JHY: variants seen among roughly 807,000 people sequenced by gnomAD.
JHY encodes the protein junctional cadherin complex regulator.
In JHY, 69 loss-of-function variants were observed where a neutral mutation model predicts 78.0. The observed-to-expected ratio is 0.88, with a 90% CI of 0.73 to 1.08. JHY has a LOEUF of 1.08. JHY is among the 50% of genes least tolerant of loss of function. The pLI is 0.00. For synonymous variants in JHY, 368 were observed against 342.6 expected, an observed-to-expected ratio of 1.07 and a Z score of -0.82; for missense variants, 944 against 927.8, an observed-to-expected ratio of 1.02 and a Z score of -0.23.
chr11:122,963,455 C>A lies in JHY; in HGVS notation c.*4010C>A, dbSNP rs2135391674. Among the ~76,000 whole-genome samples the A allele has an allele frequency of 6.6e-6, 1 of 152,232 alleles. No individual in the cohort carries two copies. The highest frequency in any genetic ancestry group is 6.5e-5 in the Admixed American group (1 of 15,296). On this transcript the variant is annotated 3_prime_UTR_variant, in exon 9 of 9. Transcript: ENST00000227349. Reference sequence around the variant, plus strand: ...TTTGCAGAAAGTTTGGGGTTGAAATCAAAGAATGGATCAAAGTGGCCCTTC... The same window carrying A: ...TTTGCAGAAAGTTTGGGGTTGAAATAAAAGAATGGATCAAAGTGGCCCTTC...
intron 2 of JHY, among the ~76,000 whole-genome samples, chr11:122,901,307 C>T (rs1168763734): frequency 6.6e-6 from 1 of 152,160 alleles, no homozygotes; most frequent in East Asian, 1.9e-4. Context: ...AGTGCGTGAG[C>T]AGGAGTGAAT....
intron 5 of JHY, among the ~76,000 whole-genome samples, chr11:122,937,540 A>T (rs959762055): frequency 6.6e-6 from 1 of 151,636 alleles, no homozygotes; most frequent in South Asian, 2.1e-4. Flanking sequence ...CATTTTCCTT[A>T]TTTTGTTTGA....
At chr11:122,912,854 A>G (rs1397920176) in intron 3 of JHY, among the ~76,000 whole-genome samples, 1 of 152,124 alleles carries the variant, frequency 6.6e-6, no homozygotes, top group Non-Finnish European at 1.5e-5. Flanking sequence ...ATATATATAT[A>G]TTTCTGCTTC....
intron 4 of JHY, among the ~76,000 whole-genome samples, chr11:122,930,193 G>C (rs1863607028): frequency 6.6e-6 from 1 of 152,146 alleles, no homozygotes; most frequent in African/African-American, 2.4e-5. Flanking sequence ...CGATTCTCCT[G>C]CCTCAGCATC....
Position 122,885,968 on chromosome 11 carries a change from A to C in JHY, c.119A>C (p.Lys40Thr), listed in dbSNP as rs1256327413. The change falls in exon 2 of 9, where the codon AAA (lysine) becomes ACA (threonine). Residue 40 changes from lysine (K) to threonine (T), a missense_variant. Coordinates refer to ENST00000227349, the MANE Select transcript of JHY (RefSeq NM_024806.4). ...AAAGAAGACTTACATCGGATTTCAA[A>C]AGACTCCTTGGAATCTGATTCAGAA... is the stretch of plus-strand genomic sequence containing the variant. ...LKKEDLHRIS[K>T]DSLESDSESL... 2 of 1,614,044 alleles carry C rather than the reference A, an allele frequency of 1.2e-6. No individual in the cohort carries two copies. Among genetic ancestry groups the C allele is most frequent in the Non-Finnish European group, 1.7e-6 (2 of 1,180,044 alleles).
chr11:122,885,585 T>G (rs1309469742), intron 1 of JHY, among the ~76,000 whole-genome samples, 176 bp from the exon 2 acceptor site: 2 of 152,228 alleles, frequency 1.3e-5, no homozygotes, highest in African/African-American at 4.8e-5. Context: ...GATGTGTTTC[T>G]GCAGAGAGAA....
intron 4 of JHY, among the ~76,000 whole-genome samples, chr11:122,928,793 C>T (rs1461807607): frequency 7.2e-5 from 11 of 152,158 alleles, no homozygotes; most frequent in Middle Eastern, 3.4e-3. Context: ...GGACTATAGG[C>T]ACCCGCCACC....
rs531602218 is a variant in JHY at position 122,930,672 on chromosome 11, G to A, written c.979-3748G>A. On this transcript the variant is annotated intron_variant, in intron 4 of 8. Transcript: ENST00000227349. ...TTAACCTTGCTACATAGGCCTTAGC[G>A]TCCTGAATCGCTTCGCACTTGCCTG... Among the ~76,000 whole-genome samples, 11 of 152,210 alleles carry A rather than the reference G, an allele frequency of 7.2e-5. No homozygotes were observed. The South Asian group carries it at 8.3e-4, about 11-fold the overall frequency.
rs185569124 is a variant in JHY, at chr11:122,938,670, A to G, written c.1634+3595A>G. Reference sequence around the variant, plus strand: ...ACCTTAGGGCTTGTGTCAGATGTCTAGCAATTCTTGATCATCTTCTCATGA... The same window carrying G: ...ACCTTAGGGCTTGTGTCAGATGTCTGGCAATTCTTGATCATCTTCTCATGA... On this transcript the variant is annotated intron_variant, in intron 5 of 8. Coordinates refer to ENST00000227349, the MANE Select transcript of JHY (RefSeq NM_024806.4). 1.5e-3 allele frequency among the ~76,000 whole-genome samples: 231 copies of G among 152,236 alleles called. 1 individual carries two copies. Among genetic ancestry groups the G allele is most frequent in the African/African-American group, 5.3e-3 (221 of 41,536 alleles).
Position 122,886,089 on chromosome 11 carries a change from T to G in JHY, c.240T>G (p.Pro80=). 1 of 1,613,998 alleles carries G rather than the reference T, an allele frequency of 6.2e-7. No homozygotes were observed. The highest frequency in any genetic ancestry group is 1.1e-5 in the South Asian group (1 of 91,074). ...ACAGCTTAGACGAGGAGGAAAGCCC[T>G]CGATGGGGAAGCCTGCACGAGATGG... is the stretch of plus-strand genomic sequence containing the variant. ...EPDSLDEEES[P]RWGSLHEMEE... Residue 80 remains proline (P), a synonymous_variant, in exon 2 of 9, where the codon CCT becomes CCG. Coordinates refer to ENST00000227349, the MANE Select transcript of JHY (RefSeq NM_024806.4).
rs760512913 is a variant in JHY, at chr11:122,923,883, A to ATT, written c.865-988_865-987dup. Among the ~76,000 whole-genome samples, 114 of 100,514 alleles carry ATT rather than the reference A, an allele frequency of 1.1e-3. 2 individuals carry two copies. The highest frequency in any genetic ancestry group is 2.6e-3 in the African/African-American group (59 of 22,356). The allele number at this position is 100,514 out of a possible 152,430, so 65.9% of individuals were successfully genotyped here. A position where few individuals can be genotyped will look rare whatever the true frequency, so the allele number is the denominator to read the frequency against. On this transcript the variant is annotated intron_variant, in intron 3 of 8. Transcript: ENST00000227349. ...AGACCCCAGTCACCACGCCTGGCTAATTTTTTTTTTTTTTTTTTTTTTTTT... is the reference window on the plus strand; with the variant it reads ...AGACCCCAGTCACCACGCCTGGCTAATTTTTTTTTTTTTTTTTTTTTTTTTTT...
Position 122,960,943 on chromosome 11 carries a change from A to G in JHY, c.*1498A>G. ...CGCCTGGACTATCATATATCTGTGC[A>G]GAACATGATGCGTTGAAAGGAACAA... On this transcript the variant is annotated 3_prime_UTR_variant, in exon 9 of 9. Coordinates refer to ENST00000227349, the MANE Select transcript of JHY (RefSeq NM_024806.4). The G allele has an allele frequency of 1.4e-6, 1 of 724,488 alleles. No homozygotes were observed. 44.9% of individuals were successfully genotyped at this position (724,488 alleles called of 1,614,324 possible). A position where few individuals can be genotyped will look rare whatever the true frequency, so the allele number is the denominator to read the frequency against.
Position 122,904,122 on chromosome 11 carries a change from AAG to A in JHY, c.547_548del (p.Pro184ThrfsTer9), listed in dbSNP as rs1265786718. Reference sequence around the variant, plus strand: ...CTCTCCGGGGGAAAAGGCGAGCAGAAAGAGAGTCCACAGAGTGCAGCTTCTTT... The same window carrying A: ...CTCTCCGGGGGAAAAGGCGAGCAGAAAGAGTCCACAGAGTGCAGCTTCTTT... On this transcript the variant is annotated frameshift_variant, in exon 3 of 9. Coordinates refer to ENST00000227349, the MANE Select transcript of JHY (RefSeq NM_024806.4). LOFTEE classifies it high-confidence loss of function. 3.7e-6 allele frequency: 6 copies of A among 1,614,066 alleles called. No homozygotes were observed. The African/African-American group carries it at 4.0e-5, about 11-fold the overall frequency.
At chr11:122,938,710 C>T (rs1863808564) in intron 5 of JHY, among the ~76,000 whole-genome samples, 2 of 151,984 alleles carry the variant, frequency 1.3e-5, no homozygotes, top group Admixed American at 6.6e-5. Flanking sequence ...GTATGAGGGA[C>T]TAGAAAGCTT....
chr11:122,940,079 C>T (rs1047538739), intron 5 of JHY, among the ~76,000 whole-genome samples: 3 of 151,690 alleles, frequency 2.0e-5, no homozygotes, highest in Non-Finnish European at 4.4e-5. Context: ...TGGCTCACAC[C>T]TGTAATCCCA....
chr11:122,953,120 C>T (rs1864125173), intron 6 of JHY, among the ~76,000 whole-genome samples: 1 of 152,000 alleles, frequency 6.6e-6, no homozygotes, highest in Non-Finnish European at 1.5e-5. Flanking sequence ...TAACGTATCT[C>T]AAAGAAATAA....
chr11:122,952,849 TG>T (rs1412250352), intron 6 of JHY, among the ~76,000 whole-genome samples: 1 of 152,250 alleles, frequency 6.6e-6, no homozygotes, highest in Non-Finnish European at 1.5e-5. Context: ...TGGTTTACTT[TG>T]GCAAATAGAT....
chr11:122,922,199 G>T (rs1750324828), intron 3 of JHY, among the ~76,000 whole-genome samples: 1 of 152,132 alleles, frequency 6.6e-6, no homozygotes, highest in Admixed American at 6.5e-5. Flanking sequence ...GCACAAAAAT[G>T]TTAAAAAGTT....
intron 4 of JHY, among the ~76,000 whole-genome samples, chr11:122,928,516 G>A (rs1863561586): frequency 6.7e-6 from 1 of 149,840 alleles, no homozygotes; most frequent in Non-Finnish European, 1.5e-5. Context: ...TGCATTCCAG[G>A]CACTGTGGAT....
Sources: gnomAD v4.1 joint callset for allele counts (sites outside exome capture counted in the v4.1 genomes callset) on GRCh38, gnomAD v4.1.1 for gene constraint, MANE v1.5 for transcripts, NCBI Gene and HGNC (gene_info 2026-07-23, HGNC 2026-07-21) for gene names.